METTL25: variants seen among roughly 807,000 people sequenced by gnomAD.
METTL25 encodes methyltransferase like 25, also known as probable methyltransferase-like protein 25.
In METTL25, 64 loss-of-function variants were observed where a neutral mutation model predicts 71.6. The observed-to-expected ratio is 0.89, with a 90% CI of 0.73 to 1.10. METTL25 has a LOEUF of 1.10. Ranked by LOEUF, METTL25 falls within the 50% of genes least tolerant of loss-of-function variation. METTL25 has a pLI of 0.00. For missense variants in METTL25, 807 were observed against 707.0 expected, an observed-to-expected ratio of 1.14 and a Z score of -1.60; for synonymous variants, 287 against 250.3, an observed-to-expected ratio of 1.15 and a Z score of -1.38.
intron 1 of METTL25, among the ~76,000 whole-genome samples, chr12:82,384,374 GCTCTCTCTCT>G (rs57771205): frequency 2.2e-5 from 3 of 134,220 alleles, no homozygotes; most frequent in Non-Finnish European, 4.6e-5. Flanking sequence ...ATCATAAACA[GCTCTCTCTCT>G]CTCTCTCTCT....
intron 5 of METTL25, among the ~76,000 whole-genome samples, chr12:82,421,365 G>A (rs1015856042): frequency 9.2e-5 from 14 of 152,276 alleles, no homozygotes; most frequent in African/African-American, 3.4e-4. Flanking sequence ...AACTGAATGA[G>A]AAAGTGTCAG....
chr12:82,461,765 T>C (rs1165140600), intron 9 of METTL25, among the ~76,000 whole-genome samples: 1 of 152,160 alleles, frequency 6.6e-6, no homozygotes, highest in Non-Finnish European at 1.5e-5. Flanking sequence ...TTTGCTTGTA[T>C]CCAGGACTTT....
intron 6 of METTL25, among the ~76,000 whole-genome samples, chr12:82,434,321 A>G (rs1889750920): frequency 6.6e-6 from 1 of 151,430 alleles, no homozygotes; most frequent in South Asian, 2.1e-4. Context: ...CTATGTCTGT[A>G]TATGTGCATA....
chr12:82,437,372 G>T (rs1889994652), intron 7 of METTL25, among the ~76,000 whole-genome samples: 1 of 151,636 alleles, frequency 6.6e-6, no homozygotes, highest in African/African-American at 2.4e-5. Context: ...CTGCTTTACA[G>T]TGGTAGAACC....
chr12:82,448,382 C>G (rs554534362), intron 8 of METTL25, among the ~76,000 whole-genome samples: 1 of 151,618 alleles, frequency 6.6e-6, no homozygotes, highest in African/African-American at 2.4e-5. Context: ...TGTTAAAACT[C>G]AATAATTTAT....
At chr12:82,461,416 A>G (rs1003205417) in intron 9 of METTL25, among the ~76,000 whole-genome samples, 2 of 152,196 alleles carry the variant, frequency 1.3e-5, no homozygotes, top group African/African-American at 4.8e-5. Flanking sequence ...AGATGAGGAA[A>G]TTGAGACATA....
chr12:82,425,502 T>C (rs1277675599), intron 5 of METTL25, among the ~76,000 whole-genome samples: 1 of 152,020 alleles, frequency 6.6e-6, no homozygotes, highest in Non-Finnish European at 1.5e-5. Context: ...GATGAAGAGA[T>C]TGTTTAATGA....
In METTL25 at chr12:82,478,415, G is replaced by A. The variant is rs543863889; in HGVS notation, c.1720-517G>A. ...GGATATATAATAAAGAAAATTAAGA[G>A]TAGTCATAATCCTACCTTTTATTTA... On this transcript the variant is annotated intron_variant, in intron 11 of 11. Coordinates refer to ENST00000248306, the MANE Select transcript of METTL25 (RefSeq NM_032230.3). 3.3e-5 allele frequency among the ~76,000 whole-genome samples: 5 copies of A among 151,706 alleles called. No homozygotes were observed. In the East Asian group the frequency reaches 9.7e-4, roughly 29 times the overall value.
At chr12:82,380,119 C>T (rs1395337750) in intron 1 of METTL25, among the ~76,000 whole-genome samples, 2 of 152,116 alleles carry the variant, frequency 1.3e-5, no homozygotes, top group Non-Finnish European at 2.9e-5. Flanking sequence ...ATGTTCTAGG[C>T]TGCGTGTTAG....
chr12:82,432,034 C>CTA (rs1300495103), intron 6 of METTL25, among the ~76,000 whole-genome samples: 3 of 150,994 alleles, frequency 2.0e-5, no homozygotes, highest in Non-Finnish European at 4.4e-5. Context: ...TGGGAACTGT[C>CTA]TATATATATA....
chr12:82,476,757 G>T (rs773358781), intron 10 of METTL25, 39 bp downstream of exon 10: 1 of 1,334,606 alleles, frequency 7.5e-7, no homozygotes, highest in African/African-American at 1.5e-5. Flanking sequence ...TGGATATGTT[G>T]CTAGACTTGA....
chr12:82,378,066 A>T (rs573874619), intron 1 of METTL25, among the ~76,000 whole-genome samples: 52 of 152,096 alleles, frequency 3.4e-4, no homozygotes, highest in African/African-American at 1.3e-3. Context: ...TTTTTCAAAC[A>T]TTTATTTAAC....
At chr12:82,452,317 T>G in intron 8 of METTL25, among the ~76,000 whole-genome samples, 1 of 152,176 alleles carries the variant, frequency 6.6e-6, no homozygotes, top group South Asian at 2.1e-4. Context: ...GGCCTACCTC[T>G]TTTTCTTCTA....
chr12:82,446,755 T>C (rs974449257), intron 8 of METTL25, among the ~76,000 whole-genome samples: 1 of 151,978 alleles, frequency 6.6e-6, no homozygotes, highest in African/African-American at 2.4e-5. Flanking sequence ...TAGCTGGGAT[T>C]ACAGGTGTAA....
At chr12:82,361,415 G>A (rs967935561) in intron 1 of METTL25, among the ~76,000 whole-genome samples, 6 of 152,208 alleles carry the variant, frequency 3.9e-5, no homozygotes, top group African/African-American at 9.6e-5. Context: ...CCGTGCGCCC[G>A]CACTCCTCAG....
chr12:82,387,803 A>G (rs1270953473), intron 2 of METTL25, among the ~76,000 whole-genome samples: 1 of 152,082 alleles, frequency 6.6e-6, no homozygotes, highest in Non-Finnish European at 1.5e-5. Context: ...TTCACTCTGT[A>G]TCTCAAAATA....
intron 8 of METTL25, among the ~76,000 whole-genome samples, chr12:82,455,326 A>C (rs2137250646): frequency 6.6e-6 from 1 of 151,942 alleles, no homozygotes; most frequent in East Asian, 1.9e-4. Flanking sequence ...AGGATCTGAG[A>C]ATAATGTGTA....
rs754759042 is a variant in METTL25 at position 82,399,304 on chromosome 12, A to G, written c.1041A>G (p.Thr347=). 6.2e-7 allele frequency: 1 copy of G among 1,613,290 alleles called. No individual in the cohort carries two copies. The highest frequency in any genetic ancestry group is 8.5e-7 in the Non-Finnish European group (1 of 1,179,580). ...CCAATAAAGAGAGAAGAAAAATGAC[A>G]TCAAAGTCAAGTGAATCAAATATAT... ...SEANKERRKM[T]SKSSESNIYS... is the part of the protein sequence containing the mutation. Residue 347 remains threonine (T), a synonymous_variant, in exon 4 of 12, where the codon ACA becomes ACG. Transcript: ENST00000248306.
At chr12:82,464,454 C>G (rs1052763676) in intron 9 of METTL25, among the ~76,000 whole-genome samples, 1 of 151,830 alleles carries the variant, frequency 6.6e-6, no homozygotes, top group Admixed American at 6.6e-5. Flanking sequence ...GTTCTCTGTT[C>G]TATTGCATTT....
Sources: gnomAD v4.1 joint callset for allele counts (sites outside exome capture counted in the v4.1 genomes callset) on GRCh38, gnomAD v4.1.1 for gene constraint, MANE v1.5 for transcripts, NCBI Gene and HGNC (gene_info 2026-07-23, HGNC 2026-07-21) for gene names.